The following SLC75A1 variants were observed in gnomAD, a reference collection of about 807,000 sequenced individuals.
SLC75A1 encodes the protein major facilitator superfamily domain containing 10.
At chr4:2,931,335 T>A in the SLC75A1 span, 1 of 1,543,360 alleles carries the variant, frequency 6.5e-7, no homozygotes, top group African/African-American at 1.4e-5. Context: ...ACCCAGCCCC[T>A]GCTGCCCATC....
the SLC75A1 span, chr4:2,933,832 C>T: frequency 1.3e-6 from 2 of 1,590,444 alleles, no homozygotes; most frequent in East Asian, 2.3e-5. Context: ...CAGCAGGAGG[C>T]CGAGAAAGAC....
chr4:2,932,935 G>A, the SLC75A1 span: 1 of 1,059,212 alleles, frequency 9.4e-7, no homozygotes, highest in Admixed American at 2.9e-5. Flanking sequence ...TGAAAGCCTG[G>A]CTCTGGAACA....
At chr4:2,931,729 A>T in the SLC75A1 span, 3 of 1,552,516 alleles carry the variant, frequency 1.9e-6, no homozygotes, top group Admixed American at 5.5e-5. Flanking sequence ...CCAGGGCGAG[A>T]GTGGCTGCCA....
chr4:2,933,647 G>T, the SLC75A1 span: 3 of 1,613,842 alleles, frequency 1.9e-6, no homozygotes, highest in Non-Finnish European at 2.5e-6. Context: ...GCCCTGCCAG[G>T]AGCCATAGAG....
the SLC75A1 span, chr4:2,932,169 TGGAGAGCCTGCA>T: frequency 6.3e-7 from 1 of 1,595,056 alleles, no homozygotes; most frequent in Non-Finnish European, 8.5e-7. Context: ...GGGATGGCAT[TGGAGAGCCTGCA>T]GGAGCGGCTG....
the SLC75A1 span, chr4:2,934,282 G>A: frequency 6.9e-6 from 1 of 144,988 alleles, no homozygotes; most frequent in South Asian, 6.1e-5. Flanking sequence ...GGGGAACCCG[G>A]ATCCCGATCC....
At chr4:2,933,252 G>T in the SLC75A1 span, 1 of 1,585,116 alleles carries the variant, frequency 6.3e-7, no homozygotes, top group South Asian at 1.1e-5. Flanking sequence ...CTGGCACCAT[G>T]AGCTGTGGTC....
chr4:2,931,421 T>G, the SLC75A1 span: 1 of 1,553,268 alleles, frequency 6.4e-7, no homozygotes, highest in African/African-American at 1.4e-5. Flanking sequence ...GCAGAGAACG[T>G]CCCCAGCCGA....
At chr4:2,932,332 T>C in the SLC75A1 span, 6 of 1,607,980 alleles carry the variant, frequency 3.7e-6, no homozygotes, top group East Asian at 1.1e-4. Flanking sequence ...GGCCTGTGGG[T>C]CCCAGACCAC....
the SLC75A1 span, chr4:2,933,076 C>T: frequency 1.9e-6 from 3 of 1,602,706 alleles, no homozygotes; most frequent in South Asian, 2.2e-5. Context: ...GAGGAGGCTT[C>T]CCCATGGGCA....
chr4:2,932,978 G>A, the SLC75A1 span: 4 of 1,041,462 alleles, frequency 3.8e-6, no homozygotes, highest in Middle Eastern at 3.2e-4. Context: ...CCCCCTCCAG[G>A]ATGCGATGAG....
At chr4:2,932,404 C>A in the SLC75A1 span, 6 of 1,613,466 alleles carry the variant, frequency 3.7e-6, no homozygotes, top group African/African-American at 6.7e-5. Flanking sequence ...AACAGCAGGT[C>A]GGAGGCTGCG....
At chr4:2,931,486 C>T in the SLC75A1 span, 1 of 1,584,650 alleles carries the variant, frequency 6.3e-7, no homozygotes, top group Non-Finnish European at 8.6e-7. Context: ...GCACGGCAGC[C>T]TCAGCACAGC....
At chr4:2,933,992 G>C in the SLC75A1 span, 2 of 1,484,650 alleles carry the variant, frequency 1.3e-6, no homozygotes, top group South Asian at 1.3e-5. Flanking sequence ...CGAGTCCTCC[G>C]GGGCCTGGCA....
chr4:2,931,929 G>C, the SLC75A1 span: 4 of 1,608,330 alleles, frequency 2.5e-6, no homozygotes, highest in Non-Finnish European at 3.4e-6. Context: ...GGCGCAGGCT[G>C]CTGAGCCCTG....
the SLC75A1 span, chr4:2,931,464 G>C: frequency 1.3e-6 from 2 of 1,574,100 alleles, no homozygotes; most frequent in Non-Finnish European, 8.6e-7. Context: ...CAGCAGGAGG[G>C]CCTGCAGGTG....
chr4:2,933,203 A>G, the SLC75A1 span: 10 of 1,613,566 alleles, frequency 6.2e-6, no homozygotes, highest in East Asian at 4.5e-5. Context: ...TGCCGAGCCA[A>G]TGAGACCTGA....
At chr4:2,931,841 G>A in the SLC75A1 span, 11 of 1,605,096 alleles carry the variant, frequency 6.9e-6, no homozygotes, top group Middle Eastern at 1.7e-4. Flanking sequence ...AACTGGAAGC[G>A]CTGGTGTGTG....
At chr4:2,933,333 C>G in the SLC75A1 span, 1 of 1,054,862 alleles carries the variant, frequency 9.5e-7, no homozygotes, top group Non-Finnish European at 1.4e-6. Context: ...CACTCACAGG[C>G]CATGGCCCTT....
Sources: gnomAD v4.1 joint callset for allele counts on GRCh38, gnomAD v4.1.1 for gene constraint, MANE v1.5 for transcripts, NCBI Gene and HGNC (gene_info 2026-07-23, HGNC 2026-07-21) for gene names.